PLD2: variants seen among roughly 807,000 people sequenced by gnomAD.
The protein encoded by PLD2 is choline phosphatase 2.
A neutral mutation model predicts 119.8 loss-of-function variants in PLD2; 101 were observed. The ratio of observed to expected loss-of-function variants is 0.84; its 90% CI spans 0.72 to 0.99. The LOEUF is 0.99. PLD2 is among the 50% of genes least tolerant of loss of function. The pLI, the probability that PLD2 is intolerant of heterozygous loss-of-function variation, is 0.00. For synonymous variants in PLD2, 494 were observed against 482.8 expected (o/e 1.02, Z -0.30); for missense variants, 1,164 against 1,226.8 (o/e 0.95, Z 0.76).
intron 10 of PLD2, among the ~76,000 whole-genome samples, chr17:4,813,907 A>G (rs1274877518): frequency 6.6e-6 from 1 of 152,180 alleles, no homozygotes; most frequent in East Asian, 1.9e-4. Context: ...GTCTCCTAAA[A>G]GTTATATTCC....
chr17:4,808,021 T>C lies in PLD2; in HGVS notation c.147T>C (p.Leu49=). ...RMHPFLAIYE[L]QSLKVHPLVF... ...ACCCGTTTCTGGCCATCTATGAGCT[T>C]CAGTCTCTGAAAGTGCACCCCTTGG... Residue 49 remains leucine, a synonymous_variant, in exon 3 of 25, where the codon CTT becomes CTC. Coordinates refer to ENST00000263088, the MANE Select transcript of PLD2 (RefSeq NM_002663.5). The surrounding 1 kb of genome is among the most constrained non-coding windows in gnomAD (Gnocchi z 4.1). 3 of 1,612,438 alleles carry C rather than the reference T, an allele frequency of 1.9e-6. No individual in the cohort carries two copies. Among genetic ancestry groups the C allele is most frequent in the South Asian group, 2.2e-5 (2 of 91,012 alleles).
chr17:4,821,656 A>T, intron 23 of PLD2, 137 bp from the exon 24 acceptor site: 1 of 603,288 alleles, frequency 1.7e-6, no homozygotes, highest in Non-Finnish European at 3.0e-6. Context: ...CATCCTCCCA[A>T]AGTGCTGGGA....
intron 23 of PLD2, 152 bp from the exon 24 acceptor site, chr17:4,821,641 T>C (rs4790233): frequency 3.7e-6 from 2 of 540,610 alleles, no homozygotes; most frequent in South Asian, 4.4e-5. Flanking sequence ...GCAATCCACC[T>C]GCCTCATCCT....
chr17:4,820,871 C>CCT, intron 23 of PLD2, among the ~76,000 whole-genome samples: 1 of 147,222 alleles, frequency 6.8e-6, no homozygotes, highest in Non-Finnish European at 1.5e-5. Context: ...CCACCACGCC[C>CCT]GGCCAAAAAA....
At chr17:4,816,279 A>G (rs529432811) in intron 14 of PLD2, among the ~76,000 whole-genome samples, 1 of 151,902 alleles carries the variant, frequency 6.6e-6, no homozygotes, top group South Asian at 2.1e-4. Flanking sequence ...GCTACTCGGG[A>G]GGCTGAGGCA....
intron 23 of PLD2, among the ~76,000 whole-genome samples, chr17:4,821,249 T>C (rs1907646931): frequency 6.6e-6 from 1 of 151,984 alleles, no homozygotes; most frequent in Admixed American, 6.6e-5. Context: ...TTCTGAGGAT[T>C]GGGGAAAGAA....
chr17:4,818,851 C>T, intron 21 of PLD2, 28 bp downstream of exon 21: 5 of 1,607,766 alleles, frequency 3.1e-6, no homozygotes, highest in Non-Finnish European at 4.3e-6. Flanking sequence ...GGGGCTCAAG[C>T]CCTGGGCCCC....
chr17:4,821,476 C>T (rs1004142995), intron 23 of PLD2, among the ~76,000 whole-genome samples: 7 of 152,038 alleles, frequency 4.6e-5, no homozygotes, highest in Admixed American at 6.6e-5. Context: ...TCACTGCAAC[C>T]TCGACTTCGC....
At chr17:4,816,846 G>C (rs1229262085) in intron 15 of PLD2, 91 bp from the exon 16 acceptor site, 7 of 1,582,734 alleles carry the variant, frequency 4.4e-6, no homozygotes, top group Middle Eastern at 1.7e-4. Flanking sequence ...CGGTGGTACA[G>C]CCCTCCCTCT....
chr17:4,817,502 AATAC>A, intron 17 of PLD2: 1 of 492,906 alleles, frequency 2.0e-6, no homozygotes, highest in Admixed American at 3.3e-5. Flanking sequence ...CTCTACTAAA[AATAC>A]AAAAAATTAG....
rs1320103563 is a variant in PLD2, at chr17:4,814,448, T to C, written c.1041T>C (p.Ala347=). ...TGAATGGGGCAGGTTACTTTGCTGC[T>C]GTGGCAGATGCCATCCTTCGAGCTC... ...WFVNGAGYFA[A]VADAILRAQE... The change falls in exon 11 of 25, where the codon GCT becomes GCC. Residue 347 remains alanine, a synonymous_variant. Transcript: ENST00000263088. 2.5e-6 allele frequency: 4 copies of C among 1,612,896 alleles called. No individual in the cohort carries two copies. The highest frequency in any genetic ancestry group is 3.4e-6 in the Non-Finnish European group (4 of 1,179,708).
In PLD2 at chr17:4,808,374, T is replaced by A. The variant is rs1567523398; in HGVS notation, c.341T>A (p.Leu114His). Residue 114 changes from leucine to histidine, a missense_variant, in exon 4 of 25, where the codon CTC (leucine) becomes CAC (histidine). Physicochemically the swap from Leu to His is moderately conservative, Grantham distance 99. Coordinates refer to ENST00000263088, the MANE Select transcript of PLD2 (RefSeq NM_002663.5). The surrounding 1 kb of genome is among the most constrained non-coding windows in gnomAD (Gnocchi z 4.1). ...CATTTTCAGGAGCTGCATCGGGACC[T>A]CCTGAGACACAAAGTCTTGATGAGT... is the stretch of plus-strand genomic sequence containing the variant. Reference protein sequence around the residue: ...YRHFQELHRDLLRHKVLMSLL... With the variant: ...YRHFQELHRDHLRHKVLMSLL... 1 of 1,613,976 alleles carries A rather than the reference T, an allele frequency of 6.2e-7. No individual in the cohort carries two copies.
At position 4,809,858 on chromosome 17, in the gene PLD2, C is replaced by T. The variant is rs1400248814; in HGVS notation, c.708-19C>T. 2.0e-5 allele frequency: 32 copies of T among 1,614,002 alleles called. No homozygotes were observed. The highest frequency in any genetic ancestry group is 2.7e-5 in the Non-Finnish European group (32 of 1,180,000). ...AATTTTGAGGGCAGAGAGGAACACA[C>T]GGAGCCCTTCTGCTCTAGGTGGCTG... On this transcript the variant is annotated intron_variant, in intron 8 of 24. Transcript: ENST00000263088.
At chr17:4,815,151 T>A (rs1567530030) in intron 12 of PLD2, among the ~76,000 whole-genome samples, 1 of 151,482 alleles carries the variant, frequency 6.6e-6, no homozygotes, top group Non-Finnish European at 1.5e-5. Flanking sequence ...GATGGAAGGA[T>A]ATGAGTTGGA....
Position 4,819,165 on chromosome 17 carries a change from T to A in PLD2, c.2255T>A (p.Leu752His), listed in dbSNP as rs1371315097. The A allele has an allele frequency of 1.9e-6, 3 of 1,614,040 alleles. No individual in the cohort carries two copies. In the South Asian group the frequency reaches 3.3e-5, roughly 18 times the overall value. Residue 752 changes from leucine to histidine, a missense_variant, in exon 22 of 25, where the codon CTC becomes CAC. Physicochemically the swap from Leu to His is moderately conservative, Grantham distance 99. Coordinates refer to ENST00000263088, the MANE Select transcript of PLD2 (RefSeq NM_002663.5). This position sits in a 1 kb window ranked among gnomAD's most constrained non-coding sequence, Gnocchi z 4.2. ...CTGGGCGGGCACCCCGTCTCGGAGC[T>A]CATCTACATCCACAGCAAGGTGCTC... ...GELGGHPVSELIYIHSKVLIA... is the reference protein window; with the variant it reads ...GELGGHPVSEHIYIHSKVLIA...
Position 4,810,858 on chromosome 17 carries a change from T to C in PLD2, c.917T>C (p.Ile306Thr), listed in dbSNP as rs1440798554. The change falls in exon 10 of 25, where the codon ATC becomes ACC. Residue 306 changes from isoleucine to threonine, a missense_variant. Ile to Thr is a moderately conservative substitution (Grantham distance 89). Transcript: ENST00000263088. ...YRQARWWAQE[I>T]TELAQGPGRD... ...CAGGCACGGTGGTGGGCCCAAGAGATCACTGAGCTGGCACAGGGCCCAGGC... is the reference window on the plus strand; with the variant it reads ...CAGGCACGGTGGTGGGCCCAAGAGACCACTGAGCTGGCACAGGGCCCAGGC... 1.2e-6 allele frequency: 2 copies of C among 1,613,420 alleles called. No individual in the cohort carries two copies. The highest frequency in any genetic ancestry group is 3.3e-5 in the Admixed American group (2 of 59,902).
rs776051935 is a variant in PLD2, at chr17:4,815,749, C to A, written c.1285-15C>A. 6.2e-7 allele frequency: 1 copy of A among 1,613,460 alleles called. No individual in the cohort carries two copies. Among genetic ancestry groups the A allele is most frequent in the South Asian group, 1.1e-5 (1 of 90,970 alleles). ...ACCTAAACCCACCCTCATGAACCCT[C>A]CATGCCTGCTCCAGGTGATGCGTCA... On this transcript the variant is annotated splice_polypyrimidine_tract_variant and intron_variant, in intron 13 of 24. Transcript: ENST00000263088.
intron 14 of PLD2, 150 bp downstream of exon 14, chr17:4,816,084 T>C (rs1906943348): frequency 3.0e-6 from 2 of 669,122 alleles, no homozygotes; most frequent in South Asian, 1.8e-5. Context: ...GAACCCACTT[T>C]GAAAGTGCTG....
chr17:4,817,715 T>C (rs1907157797), intron 17 of PLD2, among the ~76,000 whole-genome samples: 1 of 149,468 alleles, frequency 6.7e-6, no homozygotes, highest in Admixed American at 6.7e-5. Flanking sequence ...TCCCAGCACT[T>C]TGGGAGGCCG....
Sources: allele counts gnomAD v4.1 joint callset (sites outside exome capture counted in the v4.1 genomes callset), GRCh38; gene constraint gnomAD v4.1.1; non-coding constraint Gnocchi (gnomAD v3.1); transcripts MANE v1.5; gene names NCBI Gene and HGNC (gene_info 2026-07-23, HGNC 2026-07-21).